SMC1A: variants seen among roughly 807,000 people sequenced by gnomAD.
SMC1A encodes structural maintenance of chromosomes protein 1A.
SMC1A carries 4 observed loss-of-function variants against 94.5 expected under a neutral mutation model. That is an observed-to-expected ratio of 0.04 (90% CI 0.02 to 0.10). The LOEUF is 0.10. SMC1A is among the 10% of genes least tolerant of loss of function. SMC1A has a pLI of 1.00. For synonymous variants in SMC1A, 345 were observed against 347.7 expected, an observed-to-expected ratio of 0.99 and a Z score of 0.09; for missense variants, 304 against 989.0, an observed-to-expected ratio of 0.31 and a Z score of 9.29.
rs781980951 is a variant in SMC1A, at chrX:53,405,672, C to A, written c.1732G>T (p.Val578Leu). ...CGGAGTTTCTCATCTGTAGGCTTCA[C>A]CTGTGGGGAGAAGCTCAGTCAGTGG... Reference protein sequence around the residue: ...ETFLPLDYLEVKPTDEKLREL... With the variant: ...ETFLPLDYLELKPTDEKLREL... Residue 578 changes from valine (V) to leucine (L), a missense_variant and splice_region_variant, in exon 11 of 25, where the codon GTG (valine) becomes TTG (leucine). Val to Leu is a conservative substitution (Grantham distance 32, BLOSUM62 1). Coordinates refer to ENST00000322213, the MANE Select transcript of SMC1A (RefSeq NM_006306.4). The A allele has an allele frequency of 8.3e-7, 1 of 1,209,784 alleles. No homozygotes were observed. The highest frequency in any genetic ancestry group is 1.1e-6 in the Non-Finnish European group (1 of 895,121).
At chrX:53,416,182 A>T (rs1401217751) in intron 1 of SMC1A, among the ~76,000 whole-genome samples, 2 of 105,619 alleles carry the variant, frequency 1.9e-5, no homozygotes, top group Non-Finnish European at 3.9e-5. Flanking sequence ...GGGCGCCTGT[A>T]ATCCCAGCTA....
At chrX:53,420,743 G>A (rs1014853336) in intron 1 of SMC1A, among the ~76,000 whole-genome samples, 1 of 110,663 alleles carries the variant, frequency 9.0e-6, no homozygotes, top group African/African-American at 3.3e-5. Context: ...TTCCAGGGAG[G>A]ACAACATCAT....
At chrX:53,399,297 T>G (rs1415594784) in intron 16 of SMC1A, among the ~76,000 whole-genome samples, 1 of 112,622 alleles carries the variant, frequency 8.9e-6, no homozygotes, top group Non-Finnish European at 1.9e-5. Context: ...GCATTGTGTC[T>G]TCTGTTTTTA....
chrX:53,417,278 C>T (rs1408002709), intron 1 of SMC1A, among the ~76,000 whole-genome samples: 4 of 110,237 alleles, frequency 3.6e-5, no homozygotes, highest in East Asian at 2.9e-4. Flanking sequence ...GAGCCGGGCA[C>T]GGTGGCTCAC....
intron 1 of SMC1A, chrX:53,422,078 G>A (rs1378775853): frequency 5.8e-5 from 68 of 1,180,862 alleles, no homozygotes; most frequent in Admixed American, 1.8e-4. Context: ...CGAAGGCCAC[G>A]GGAGAGCTAC....
intron 19 of SMC1A, among the ~76,000 whole-genome samples, chrX:53,388,386 C>G (rs1008759839): frequency 1.2e-4 from 13 of 110,682 alleles, no homozygotes; most frequent in Non-Finnish European, 1.9e-4. Context: ...ATATTCAATT[C>G]AGTTACTGGA....
At chrX:53,418,903 C>A (rs868945909) in intron 1 of SMC1A, among the ~76,000 whole-genome samples, 10 of 109,464 alleles carry the variant, frequency 9.1e-5, no homozygotes, top group African/African-American at 2.7e-4. Context: ...ATTAGCCAGG[C>A]ACGGTTGTGT....
rs1556886010 is a variant in SMC1A at position 53,382,488 on chromosome X, T to C, written c.3285+18A>G. On this transcript the variant is annotated intron_variant, in intron 21 of 24. Coordinates refer to ENST00000322213, the MANE Select transcript of SMC1A (RefSeq NM_006306.4). Reference sequence around the variant, plus strand: ...CTGAGGATGGTAGCAGCTGGTTGGGTAAGGGGCTCCAGCCTACCTGGGCAC... The same window carrying C: ...CTGAGGATGGTAGCAGCTGGTTGGGCAAGGGGCTCCAGCCTACCTGGGCAC... 8.3e-7 allele frequency: 1 copy of C among 1,206,111 alleles called. No individual in the cohort carries two copies.
intron 19 of SMC1A, among the ~76,000 whole-genome samples, chrX:53,390,841 A>T (rs370827930): frequency 1.3e-4 from 14 of 105,177 alleles, no homozygotes; most frequent in African/African-American, 4.9e-4. Flanking sequence ...AAATACAAAA[A>T]ATTAGCTGGA....
chrX:53,416,597 G>A (rs2075733231), intron 1 of SMC1A, among the ~76,000 whole-genome samples: 1 of 109,382 alleles, frequency 9.1e-6, no homozygotes, highest in African/African-American at 3.3e-5. Flanking sequence ...TCACCATGTT[G>A]GCCAGGATGG....
intron 19 of SMC1A, among the ~76,000 whole-genome samples, chrX:53,386,565 A>AG (rs2075605283): frequency 9.0e-6 from 1 of 111,725 alleles, no homozygotes. Flanking sequence ...TTCCTTCAAA[A>AG]GGTTCAGCAA....
intron 19 of SMC1A, among the ~76,000 whole-genome samples, chrX:53,389,137 G>GC (rs1352680900): frequency 2.8e-5 from 3 of 105,974 alleles, no homozygotes; most frequent in African/African-American, 1.0e-4. Flanking sequence ...TTTTTGGTCG[G>GC]GGGGGTGAAG....
At chrX:53,419,020 G>A (rs782538748) in intron 1 of SMC1A, among the ~76,000 whole-genome samples, 7 of 86,792 alleles carry the variant, frequency 8.1e-5, no homozygotes, top group East Asian at 3.6e-4. Context: ...CAACCTGGGC[G>A]ACAGAGAGAG....
chrX:53,395,092 C>T (rs2075646112), intron 18 of SMC1A, among the ~76,000 whole-genome samples: 1 of 112,452 alleles, frequency 8.9e-6, no homozygotes, highest in Admixed American at 9.5e-5. Context: ...CCTATAATCC[C>T]AGCACTTTGG....
intron 14 of SMC1A, 46 bp downstream of exon 14, chrX:53,403,729 CCA>C: frequency 8.5e-7 from 1 of 1,173,017 alleles, no homozygotes; most frequent in Non-Finnish European, 1.2e-6. Context: ...GCTTCCAGTC[CCA>C]GTCCTGCCCT....
chrX:53,421,751 G>T, intron 1 of SMC1A: 1 of 613,085 alleles, frequency 1.6e-6, no homozygotes, highest in Non-Finnish European at 2.5e-6. Flanking sequence ...CATGGAGTTG[G>T]TTTATTCTAT....
At chrX:53,398,746 C>G (rs1482387041) in intron 16 of SMC1A, among the ~76,000 whole-genome samples, 1 of 111,462 alleles carries the variant, frequency 9.0e-6, no homozygotes, top group Non-Finnish European at 1.9e-5. Context: ...ACAAACGTAG[C>G]ATGATTTGCT....
At chrX:53,388,590 T>G (rs908743392) in intron 19 of SMC1A, among the ~76,000 whole-genome samples, 1 of 108,918 alleles carries the variant, frequency 9.2e-6, no homozygotes. Flanking sequence ...CATCAATAAT[T>G]TTTATATAGT....
Position 53,422,646 on chromosome X carries a change from C to T in SMC1A, c.-46G>A. 1.1e-6 allele frequency: 1 copy of T among 888,349 alleles called. No homozygotes were observed. Among genetic ancestry groups the T allele is most frequent in the Non-Finnish European group, 1.7e-6 (1 of 604,404 alleles). The allele number at this position is 888,349 out of a possible 1,213,427, so 73.2% of individuals were successfully genotyped here. On this transcript the variant is annotated 5_prime_UTR_variant, in exon 1 of 25. Coordinates refer to ENST00000322213, the MANE Select transcript of SMC1A (RefSeq NM_006306.4). ...CAGTAGGACAGGCCGCGCCGTACGC[C>T]CGAGAACTGAGGTAGCCCGCGCGGG...
Sources: allele counts gnomAD v4.1 joint callset (sites outside exome capture counted in the v4.1 genomes callset), GRCh38; gene constraint gnomAD v4.1.1; transcripts MANE v1.5; gene names NCBI Gene and HGNC (gene_info 2026-07-23, HGNC 2026-07-21).